Variants in FBXO25 observed in about 807,000 individuals in gnomAD.
FBXO25 encodes the protein F-box protein 25, also known as F-box only protein 25.
FBXO25 carries 45 observed loss-of-function variants against 51.9 expected under a neutral mutation model. The observed-to-expected ratio is 0.87, with a 90% confidence interval of 0.68 to 1.11. The LOEUF (loss-of-function observed/expected upper bound fraction) is 1.11. Ranked by LOEUF, FBXO25 falls within the 50% of genes most tolerant of loss-of-function variation. The probability of loss-of-function intolerance (pLI) is 0.00; values close to 1 mark genes in which losing one functional copy is unlikely to be tolerated. For synonymous variants in FBXO25, 199 were observed against 151.0 expected (o/e 1.32, Z -2.33); for missense variants, 507 against 428.5 (o/e 1.18, Z -1.62).
intron 4 of FBXO25, among the ~76,000 whole-genome samples, chr8:434,403 A>G (rs1336984831): frequency 6.6e-6 from 1 of 152,232 alleles, no homozygotes; most frequent in Non-Finnish European, 1.5e-5. Context: ...TATAATCTAT[A>G]TCAAAATGAG....
intron 5 of FBXO25, among the ~76,000 whole-genome samples, chr8:439,055 G>T (rs903243947): frequency 2.0e-5 from 3 of 152,258 alleles, no homozygotes; most frequent in Non-Finnish European, 4.4e-5. Context: ...CATGAACTCA[G>T]AGGTGCCCAG....
rs1797889053 is a variant in FBXO25, at chr8:432,752, C to T, written c.239-134C>T. ...CAAAGCAATTCTGTTTGCATTCACC[C>T]ACGTAAAAGCATTTCTTGTCAATAT... On this transcript the variant is annotated intron_variant, in intron 3 of 9. Transcript: ENST00000350302. 4.4e-6 allele frequency: 5 copies of T among 1,132,780 alleles called. No individual in the cohort carries two copies. In the East Asian group the frequency reaches 1.2e-4, roughly 27 times the overall value. The allele number at this position is 1,132,780 out of a possible 1,614,324, so 70.2% of individuals were successfully genotyped here. A position where few individuals can be genotyped will look rare whatever the true frequency, so the allele number is the denominator to read the frequency against.
chr8:416,524 G>A (rs1423595172), intron 2 of FBXO25, among the ~76,000 whole-genome samples: 11 of 152,168 alleles, frequency 7.2e-5, no homozygotes, highest in Non-Finnish European at 1.6e-4. Context: ...TACCCCCAGG[G>A]GTAGAGTCAT....
At chr8:417,833 C>G (rs1796901930) in intron 2 of FBXO25, among the ~76,000 whole-genome samples, 1 of 152,182 alleles carries the variant, frequency 6.6e-6, no homozygotes, top group Non-Finnish European at 1.5e-5. Flanking sequence ...ATCATTTTGG[C>G]TATTTCCCAC....
At chr8:467,648 T>C in intron 9 of FBXO25, 2 of 1,490,042 alleles carry the variant, frequency 1.3e-6, no homozygotes, top group Non-Finnish European at 1.9e-6. Context: ...TGGCTCTTTC[T>C]AATCTTAACT....
At chr8:435,936 C>G in intron 5 of FBXO25, among the ~76,000 whole-genome samples, 1 of 152,182 alleles carries the variant, frequency 6.6e-6, no homozygotes, top group Admixed American at 6.5e-5. Context: ...AGCAAACACT[C>G]ATCTGCCCTG....
chr8:474,868 G>C lies in FBXO25; in HGVS notation c.*6064G>C, dbSNP rs976707789. 8.8e-6 allele frequency: 4 copies of C among 455,786 alleles called. No individual in the cohort carries two copies. Among genetic ancestry groups the C allele is most frequent in the Non-Finnish European group, 1.8e-5 (4 of 226,928 alleles). The allele number at this position is 455,786 out of a possible 1,614,324, so 28.2% of individuals were successfully genotyped here. On this transcript the variant is annotated 3_prime_UTR_variant, in exon 10 of 10. Coordinates refer to ENST00000350302, the MANE Select transcript of FBXO25 (RefSeq NM_183420.2). ...TTAGTTACCTGTGTGTGCCTCTGGT[G>C]TCATATCTAAGAAATCACTGCCTCA...
intron 2 of FBXO25, among the ~76,000 whole-genome samples, chr8:427,580 A>T (rs1183612445): frequency 1.3e-5 from 2 of 149,324 alleles, no homozygotes; most frequent in African/African-American, 5.0e-5. Flanking sequence ...ACAGAAATGT[A>T]TGTCCTCACA....
intron 5 of FBXO25, among the ~76,000 whole-genome samples, chr8:445,131 A>T (rs113290135): frequency 1.2e-4 from 18 of 152,326 alleles, no homozygotes; most frequent in African/African-American, 4.1e-4. Flanking sequence ...AATCTTGTCA[A>T]CTGTGAACAC....
chr8:455,675 G>A (rs1028971028), intron 7 of FBXO25, among the ~76,000 whole-genome samples: 1 of 152,212 alleles, frequency 6.6e-6, no homozygotes, highest in South Asian at 2.1e-4. Flanking sequence ...ACAGTTGCAT[G>A]CAATAGCTGA....
intron 7 of FBXO25, among the ~76,000 whole-genome samples, chr8:454,706 A>G (rs1799306394): frequency 1.3e-5 from 2 of 152,224 alleles, no homozygotes; most frequent in South Asian, 4.1e-4. Context: ...GCTGGCTAAC[A>G]CGGTGAAATC....
intron 8 of FBXO25, among the ~76,000 whole-genome samples, chr8:460,245 G>A (rs918613916): frequency 6.6e-6 from 1 of 152,070 alleles, no homozygotes; most frequent in Non-Finnish European, 1.5e-5. Flanking sequence ...ATGTCTTTTG[G>A]CCATTTCTGT....
intron 9 of FBXO25, among the ~76,000 whole-genome samples, chr8:464,117 T>C (rs1187399583): frequency 6.6e-6 from 1 of 152,154 alleles, no homozygotes; most frequent in Non-Finnish European, 1.5e-5. Flanking sequence ...CAGCTGATTT[T>C]GTTTGTTTGT....
intron 1 of FBXO25, chr8:407,536 C>T (rs1423318856): frequency 1.4e-6 from 1 of 732,930 alleles, no homozygotes; most frequent in East Asian, 1.3e-4. Context: ...CCCTGCCCAC[C>T]TTCTGCGACC....
chr8:456,581 G>C (rs1298305071), intron 7 of FBXO25, among the ~76,000 whole-genome samples: 3 of 152,176 alleles, frequency 2.0e-5, no homozygotes, highest in Admixed American at 1.3e-4. Context: ...CCTATGCGTG[G>C]GTCCCATCAG....
chr8:470,102 A>G lies in FBXO25; in HGVS notation c.*1298A>G, dbSNP rs988964492. 2.6e-5 allele frequency: 4 copies of G among 152,148 alleles called. No homozygotes were observed. Among genetic ancestry groups the G allele is most frequent in the Non-Finnish European group, 4.4e-5 (3 of 68,034 alleles). The allele number at this position is 152,148 out of a possible 1,614,324, so 9.4% of individuals were successfully genotyped here. On this transcript the variant is annotated 3_prime_UTR_variant, in exon 10 of 10. Coordinates refer to ENST00000350302, the MANE Select transcript of FBXO25 (RefSeq NM_183420.2). ...ACCCTGCCTTTTTTTAGAAACGTAG[A>G]ACCATATCCTAAATGTTATTTGGAA...
chr8:413,339 A>G, intron 2 of FBXO25, 126 bp downstream of exon 2: 8 of 1,347,430 alleles, frequency 5.9e-6, no homozygotes, highest in Non-Finnish European at 7.7e-6. Context: ...TGGTGTGAAG[A>G]GACAAGTTGT....
At chr8:467,785 G>T (rs372196730) in intron 9 of FBXO25, 2 of 1,613,062 alleles carry the variant, frequency 1.2e-6, no homozygotes, top group Non-Finnish European at 1.7e-6. Context: ...TGTTCGGGAT[G>T]AAAACGTTGC....
rs917145987 is a variant in FBXO25 at position 473,184 on chromosome 8, A to G, written c.*4380A>G. On this transcript the variant is annotated 3_prime_UTR_variant, in exon 10 of 10. Coordinates refer to ENST00000350302, the MANE Select transcript of FBXO25 (RefSeq NM_183420.2). ...TCTGCATAGAGGAGGCAGACCCTCA[A>G]CTTTGGAAAGCAGTGTCCCCCCGCG... is the stretch of plus-strand genomic sequence containing the variant. 1 of 152,316 alleles carries G rather than the reference A, an allele frequency of 6.6e-6. No homozygotes were observed. The highest frequency in any genetic ancestry group is 1.5e-5 in the Non-Finnish European group (1 of 68,126). The allele number at this position is 152,316 out of a possible 1,614,324, so 9.4% of individuals were successfully genotyped here. A position where few individuals can be genotyped will look rare whatever the true frequency, so the allele number is the denominator to read the frequency against.
Sources: allele counts gnomAD v4.1 joint callset (sites outside exome capture counted in the v4.1 genomes callset), GRCh38; gene constraint gnomAD v4.1.1; transcripts MANE v1.5; gene names NCBI Gene and HGNC (gene_info 2026-07-23, HGNC 2026-07-21).